Variants in GALNT18 observed in about 807,000 individuals in gnomAD.
GALNT18 encodes polypeptide N-acetylgalactosaminyltransferase 18.
In GALNT18, 44 loss-of-function variants were observed where a neutral mutation model predicts 69.5. That is an observed-to-expected ratio of 0.63 (90% CI 0.50 to 0.81). GALNT18 has a LOEUF of 0.81. Ranked by LOEUF, GALNT18 falls within the 40% of genes least tolerant of loss-of-function variation. The pLI is 0.00. For missense variants in GALNT18, 715 were observed against 810.0 expected (o/e 0.88, Z 1.42); for synonymous variants, 364 against 318.2 (o/e 1.14, Z -1.53).
At chr11:11,365,198 C>T (rs765733695) in intron 6 of GALNT18, among the ~76,000 whole-genome samples, 1 of 152,060 alleles carries the variant, frequency 6.6e-6, no homozygotes, top group Non-Finnish European at 1.5e-5. Flanking sequence ...TCTCTGTGTC[C>T]ATGTGTTCTC....
Position 11,465,194 on chromosome 11 carries a change from T to C in GALNT18, c.236-16258A>G, listed in dbSNP as rs1185584696. ...TCTGTTCCCAGATCCTCAGCCCCATTCCTGCTGAGGTCAGGGGAGGAAGGG... is the reference window on the plus strand; with the variant it reads ...TCTGTTCCCAGATCCTCAGCCCCATCCCTGCTGAGGTCAGGGGAGGAAGGG... On this transcript the variant is annotated intron_variant, in intron 1 of 10. Coordinates refer to ENST00000227756, the MANE Select transcript of GALNT18 (RefSeq NM_198516.3). This position sits in a 1 kb window ranked among gnomAD's most constrained non-coding sequence, Gnocchi z 5.7. 6.6e-6 allele frequency among the ~76,000 whole-genome samples: 1 copy of C among 152,126 alleles called. No individual in the cohort carries two copies. Among genetic ancestry groups the C allele is most frequent in the Non-Finnish European group, 1.5e-5 (1 of 68,020 alleles).
In GALNT18 at chr11:11,605,503, C is replaced by T. The variant is rs554373440; in HGVS notation, c.235+15856G>A. Among the ~76,000 whole-genome samples, 4 of 152,166 alleles carry T rather than the reference C, an allele frequency of 2.6e-5. No homozygotes were observed. The highest frequency in any genetic ancestry group is 2.1e-4 in the South Asian group (1 of 4,832). On this transcript the variant is annotated intron_variant, in intron 1 of 10. Coordinates refer to ENST00000227756, the MANE Select transcript of GALNT18 (RefSeq NM_198516.3). This position sits in a 1 kb window ranked among gnomAD's most constrained non-coding sequence, Gnocchi z 4.7. ...TCCATTCTGAGGTTCTCACAGACCT[C>T]GGGGTGAACAGGAGGCCCTCTGTTT...
intron 3 of GALNT18, among the ~76,000 whole-genome samples, chr11:11,399,467 G>GT (rs11455241): frequency 0.19 from 29,616 of 151,990 alleles, 3,066 homozygotes; most frequent in Admixed American, 0.25. Flanking sequence ...GCCCAGCATA[G>GT]TTTTTTTTAT....
At chr11:11,294,716 C>T (rs61872383) in intron 9 of GALNT18, among the ~76,000 whole-genome samples, 12,727 of 152,188 alleles carry the variant, frequency 0.084, 728 homozygotes, top group Middle Eastern at 0.17. Flanking sequence ...TAGGGGAAAG[C>T]CACGTGACTC....
In GALNT18 at chr11:11,271,247, A is replaced by C. The variant is rs1848820199; in HGVS notation, c.1721T>G (p.Leu574Arg). 2 of 1,614,018 alleles carry C rather than the reference A, an allele frequency of 1.2e-6. No homozygotes were observed. Among genetic ancestry groups the C allele is most frequent in the Non-Finnish European group, 1.7e-6 (2 of 1,180,012 alleles). ...QNRKSKRCLE[L>R]QENSDLEFGF... ...GAACTCCAGGTCGCTATTCTCCTGC[A>C]GCTCCAGACAGCGCTTAGACTTGCG... Residue 574 changes from leucine to arginine, a missense_variant, in exon 11 of 11, where the codon CTG becomes CGG. Coordinates refer to ENST00000227756, the MANE Select transcript of GALNT18 (RefSeq NM_198516.3).
In GALNT18 at chr11:11,332,780, G is replaced by A. The variant is rs1850041432; in HGVS notation, c.1330C>T (p.Gln444Ter). The A allele has an allele frequency of 6.2e-7, 1 of 1,613,898 alleles. No homozygotes were observed. Among genetic ancestry groups the A allele is most frequent in the Admixed American group, 1.7e-5 (1 of 60,004 alleles). The change falls in exon 8 of 11, where the codon CAG (glutamine) becomes TAG (stop). Residue 444 changes from glutamine (Q) to a stop codon, truncating the protein, a stop_gained. Coordinates refer to ENST00000227756, the MANE Select transcript of GALNT18 (RefSeq NM_198516.3). LOFTEE classifies it high-confidence loss of function. This position sits in a 1 kb window ranked among gnomAD's most constrained non-coding sequence, Gnocchi z 4.3. ...CACCGGAAGGTCTTGCACTGCAGCTGTTTCCTGAGAGCCTTCCTTGCAGTG... is the reference window on the plus strand; with the variant it reads ...CACCGGAAGGTCTTGCACTGCAGCTATTTCCTGAGAGCCTTCCTTGCAGTG... Reference protein sequence around the residue: ...DITARKALRKQLQCKTFRWYL... With the variant: ...DITARKALRK
intron 10 of GALNT18, among the ~76,000 whole-genome samples, chr11:11,280,702 A>G (rs1175594874): frequency 1.3e-5 from 2 of 152,174 alleles, no homozygotes; most frequent in Non-Finnish European, 2.9e-5. Flanking sequence ...TCTGCCCCTC[A>G]GGACTGACCA....
At chr11:11,411,382 A>G (rs1854723160) in intron 3 of GALNT18, among the ~76,000 whole-genome samples, 1 of 152,228 alleles carries the variant, frequency 6.6e-6, no homozygotes, top group Admixed American at 6.5e-5. Context: ...TGCAGAAATA[A>G]GCCCTTGCTT....
intron 2 of GALNT18, among the ~76,000 whole-genome samples, chr11:11,442,946 G>A (rs983650166): frequency 6.6e-6 from 1 of 152,276 alleles, no homozygotes; most frequent in Non-Finnish European, 1.5e-5. Flanking sequence ...GAGGCAGTGC[G>A]TGCCAGAGGC....
intron 6 of GALNT18, among the ~76,000 whole-genome samples, chr11:11,364,387 T>C (rs1050259662): frequency 6.6e-6 from 1 of 152,220 alleles, no homozygotes; most frequent in African/African-American, 2.4e-5. Flanking sequence ...ATATTCTTGC[T>C]ACAAAATTAA....
At chr11:11,589,282 A>C (rs1034499415) in intron 1 of GALNT18, among the ~76,000 whole-genome samples, 3 of 152,320 alleles carry the variant, frequency 2.0e-5, no homozygotes, top group African/African-American at 7.2e-5. Context: ...TCAAGAATAG[A>C]AGCACATTTA....
intron 1 of GALNT18, among the ~76,000 whole-genome samples, chr11:11,455,400 G>A (rs1453592436): frequency 6.6e-6 from 1 of 152,186 alleles, no homozygotes; most frequent in African/African-American, 2.4e-5. Flanking sequence ...TAAAGGAAAG[G>A]ATGCTTGAAG....
chr11:11,413,969 T>C lies in GALNT18; in HGVS notation c.595+18652A>G, dbSNP rs1427968578. 1.3e-5 allele frequency among the ~76,000 whole-genome samples: 2 copies of C among 152,234 alleles called. No homozygotes were observed. Among genetic ancestry groups the C allele is most frequent in the African/African-American group, 4.8e-5 (2 of 41,462 alleles). On this transcript the variant is annotated intron_variant, in intron 3 of 10. Coordinates refer to ENST00000227756, the MANE Select transcript of GALNT18 (RefSeq NM_198516.3). The surrounding 1 kb of genome is among the most constrained non-coding windows in gnomAD (Gnocchi z 4.7). Reference sequence around the variant, plus strand: ...TTACTCACCAAACCTGTTCTTCCTCTAATTCTGTCTGGCCCATCTTGCAAA... The same window carrying C: ...TTACTCACCAAACCTGTTCTTCCTCCAATTCTGTCTGGCCCATCTTGCAAA...
chr11:11,287,981 T>C (rs1255373758), intron 10 of GALNT18, among the ~76,000 whole-genome samples: 1 of 152,172 alleles, frequency 6.6e-6, no homozygotes, highest in Admixed American at 6.5e-5. Context: ...CCCACACCCC[T>C]GTGGCAACCA....
At chr11:11,408,081 A>G (rs565855967) in intron 3 of GALNT18, among the ~76,000 whole-genome samples, 74 of 152,304 alleles carry the variant, frequency 4.9e-4, no homozygotes, top group African/African-American at 1.8e-3. Context: ...AGTATATACT[A>G]CTGGCCAGGC....
intron 1 of GALNT18, among the ~76,000 whole-genome samples, chr11:11,536,815 C>T (rs1185123049): frequency 6.6e-6 from 1 of 152,232 alleles, no homozygotes; most frequent in Non-Finnish European, 1.5e-5. Flanking sequence ...TTGTGCATTC[C>T]TGCTTTGCAA....
intron 3 of GALNT18, among the ~76,000 whole-genome samples, chr11:11,400,087 A>G (rs1589970590): frequency 6.6e-6 from 1 of 152,348 alleles, no homozygotes; most frequent in East Asian, 1.9e-4. Flanking sequence ...AGACTAAACC[A>G]TAAAAACCAT....
intron 3 of GALNT18, among the ~76,000 whole-genome samples, chr11:11,381,040 A>T (rs1267778977): frequency 6.6e-6 from 1 of 152,200 alleles, no homozygotes; most frequent in African/African-American, 2.4e-5. Context: ...ATCTCACTGC[A>T]GTCCATACGG....
Position 11,377,611 on chromosome 11 carries a change from A to T in GALNT18, c.780-232T>A, listed in dbSNP as rs1029900568. Among the ~76,000 whole-genome samples the T allele has an allele frequency of 6.6e-6, 1 of 151,826 alleles. No individual in the cohort carries two copies. Among genetic ancestry groups the T allele is most frequent in the Non-Finnish European group, 1.5e-5 (1 of 67,986 alleles). On this transcript the variant is annotated intron_variant, in intron 4 of 10. Coordinates refer to ENST00000227756, the MANE Select transcript of GALNT18 (RefSeq NM_198516.3). The surrounding 1 kb of genome is among the most constrained non-coding windows in gnomAD (Gnocchi z 4.6). ...CACTCCATTGGCATATCCAGAGCTG[A>T]GCTGAGAGATTCTTATTCCAGCCAA...
Sources: allele counts gnomAD v4.1 joint callset (sites outside exome capture counted in the v4.1 genomes callset), GRCh38; gene constraint gnomAD v4.1.1; non-coding constraint Gnocchi (gnomAD v3.1); transcripts MANE v1.5; gene names NCBI Gene and HGNC (gene_info 2026-07-23, HGNC 2026-07-21).